SEMA6D: variants seen among roughly 807,000 people sequenced by gnomAD.
SEMA6D encodes the protein semaphorin 6D.
A neutral mutation model predicts 106.6 loss-of-function variants in SEMA6D; 35 were observed. The ratio of observed to expected loss-of-function variants is 0.33; its 90% CI spans 0.25 to 0.44. The LOEUF (loss-of-function observed/expected upper bound fraction) is 0.44, where lower values mean the gene tolerates loss of function less well. Ranked by LOEUF, SEMA6D falls within the 20% of genes least tolerant of loss-of-function variation. The pLI, the probability that SEMA6D is intolerant of heterozygous loss-of-function variation, is 1.00. For missense variants in SEMA6D, 1,185 were observed against 1,345.9 expected (o/e 0.88, Z 1.87); for synonymous variants, 499 against 487.7 (o/e 1.02, Z -0.31).
intron 1 of SEMA6D, among the ~76,000 whole-genome samples, chr15:47,742,262 A>G (rs1191950465): frequency 2.0e-5 from 3 of 151,472 alleles, no homozygotes; most frequent in African/African-American, 7.3e-5. Context: ...TTTTTAAAGT[A>G]TTTTTACTCA....
At chr15:47,457,465 A>G (rs2042377903) in intron 2 of SEMA6D, among the ~76,000 whole-genome samples, 6 of 151,954 alleles carry the variant, frequency 3.9e-5, no homozygotes, top group Admixed American at 3.9e-4. Context: ...CAAGAAAGTA[A>G]AAGAAAGCAT....
At chr15:47,195,447 T>C (rs1595723971) in intron 1 of SEMA6D, among the ~76,000 whole-genome samples, 1 of 152,212 alleles carries the variant, frequency 6.6e-6, no homozygotes. Flanking sequence ...CTCTTTGACA[T>C]ATATAATTTT....
At chr15:47,315,417 C>G (rs886143551) in intron 1 of SEMA6D, among the ~76,000 whole-genome samples, 2 of 151,874 alleles carry the variant, frequency 1.3e-5, no homozygotes, top group African/African-American at 4.9e-5. Flanking sequence ...TTACGGGGGT[C>G]TATTTCTGGA....
intron 4 of SEMA6D, among the ~76,000 whole-genome samples, chr15:47,637,968 T>G (rs2077420813): frequency 6.6e-6 from 1 of 152,242 alleles, no homozygotes; most frequent in South Asian, 2.1e-4. Flanking sequence ...AGAAAGGTTA[T>G]GTTGCTGGCA....
intron 1 of SEMA6D, among the ~76,000 whole-genome samples, chr15:47,283,560 G>A (rs750643911): frequency 7.2e-5 from 11 of 152,132 alleles, no homozygotes; most frequent in South Asian, 2.1e-4. Flanking sequence ...CATTCTACCC[G>A]AAGTGGCCTG....
At chr15:47,759,648 T>G in intron 1 of SEMA6D, 97 bp from the exon 2 acceptor site, 1 of 630,626 alleles carries the variant, frequency 1.6e-6, no homozygotes, top group Non-Finnish European at 2.8e-6. Flanking sequence ...GGAGAGGGGC[T>G]TTGGAGGGAG....
chr15:47,724,026 C>T (rs2079579495), intron 1 of SEMA6D, among the ~76,000 whole-genome samples: 1 of 152,224 alleles, frequency 6.6e-6, no homozygotes. Context: ...GTCAGCAAAG[C>T]AGGGACTGAG....
intron 1 of SEMA6D, among the ~76,000 whole-genome samples, chr15:47,350,454 CACATGCATTGAA>C (rs1436789483): frequency 2.0e-5 from 3 of 152,088 alleles, no homozygotes; most frequent in Non-Finnish European, 4.4e-5. Flanking sequence ...TGCATTGTTT[CACATGCATTGAA>C]ACATGCATTG....
At chr15:47,720,816 G>A (rs1664770568) in intron 1 of SEMA6D, among the ~76,000 whole-genome samples, 1 of 152,222 alleles carries the variant, frequency 6.6e-6, no homozygotes, top group East Asian at 1.9e-4. Flanking sequence ...GATACAAAGA[G>A]TGAAAAATGC....
At chr15:47,633,344 C>T (rs2077325313) in intron 4 of SEMA6D, among the ~76,000 whole-genome samples, 1 of 151,820 alleles carries the variant, frequency 6.6e-6, no homozygotes, top group Non-Finnish European at 1.5e-5. Context: ...CTTAGTTTTC[C>T]TTTGTCTGAG....
chr15:47,684,094 G>A (rs1302228391), intron 4 of SEMA6D, among the ~76,000 whole-genome samples: 1 of 152,118 alleles, frequency 6.6e-6, no homozygotes, highest in Admixed American at 6.5e-5. Flanking sequence ...AGCATTATAA[G>A]CCCCATTTGC....
chr15:47,234,439 C>G (rs777705089), intron 1 of SEMA6D, among the ~76,000 whole-genome samples: 8 of 151,950 alleles, frequency 5.3e-5, no homozygotes, highest in Non-Finnish European at 7.4e-5. Context: ...AGTATACTTG[C>G]TGCTTGAGCA....
At chr15:47,741,503 G>C (rs1296746433) in intron 1 of SEMA6D, among the ~76,000 whole-genome samples, 1 of 152,178 alleles carries the variant, frequency 6.6e-6, no homozygotes, top group African/African-American at 2.4e-5. Flanking sequence ...GATCACCTGA[G>C]GTCGGCAGTT....
intron 1 of SEMA6D, among the ~76,000 whole-genome samples, chr15:47,327,334 A>G: frequency 6.6e-6 from 1 of 152,318 alleles, no homozygotes; most frequent in East Asian, 1.9e-4. Context: ...TAATATAAAT[A>G]GTAGTTCTTT....
At chr15:47,553,202 C>T (rs1485978496) in intron 3 of SEMA6D, among the ~76,000 whole-genome samples, 1 of 151,768 alleles carries the variant, frequency 6.6e-6, no homozygotes, top group Admixed American at 6.6e-5. Context: ...CCGCGCCCAG[C>T]CAACCTGTTT....
chr15:47,216,457 C>T lies in SEMA6D; in HGVS notation c.-239+32039C>T, dbSNP rs144009974. On this transcript the variant is annotated intron_variant, in intron 1 of 19. Coordinates refer to the SEMA6D transcript ENST00000558014. ...TACATGTTACACATCCCAGAATATG[C>T]GTAATAGCATAACCAGAACGTATTC... Among the ~76,000 whole-genome samples, 911 of 152,172 alleles carry T rather than the reference C, an allele frequency of 6.0e-3. 12 individuals carry two copies. The highest frequency in any genetic ancestry group is 0.021 in the African/African-American group (865 of 41,540).
chr15:47,744,286 C>G (rs1030898309), intron 1 of SEMA6D, among the ~76,000 whole-genome samples: 3 of 152,156 alleles, frequency 2.0e-5, no homozygotes, highest in African/African-American at 7.2e-5. Flanking sequence ...AAACCCTGGT[C>G]TAGGCTGAAT....
At chr15:47,483,914 C>T (rs1173938790) in intron 3 of SEMA6D, among the ~76,000 whole-genome samples, 1 of 152,088 alleles carries the variant, frequency 6.6e-6, no homozygotes, top group Non-Finnish European at 1.5e-5. Flanking sequence ...TGCCCTGCTT[C>T]GTTTCTTTCA....
intron 2 of SEMA6D, among the ~76,000 whole-genome samples, chr15:47,457,819 A>C (rs538477713): frequency 2.0e-5 from 3 of 152,096 alleles, no homozygotes; most frequent in Admixed American, 2.0e-4. Flanking sequence ...AAGCACAAGC[A>C]CAGGAAGAAA....
Sources: allele counts gnomAD v4.1 joint callset (sites outside exome capture counted in the v4.1 genomes callset), GRCh38; gene constraint gnomAD v4.1.1; transcripts MANE v1.5; gene names NCBI Gene and HGNC (gene_info 2026-07-23, HGNC 2026-07-21).